Variants in ERC2 observed in about 807,000 individuals in gnomAD.
ERC2 encodes the protein ELKS/RAB6-interacting/CAST family member 2.
A neutral mutation model predicts 114.8 loss-of-function variants in ERC2; 42 were observed. The observed-to-expected ratio is 0.37, with a 90% CI of 0.29 to 0.47. The LOEUF (loss-of-function observed/expected upper bound fraction) is 0.47. Among genes scored for constraint, ERC2 ranks in the 20% least tolerant of loss-of-function variants. The pLI, the probability that ERC2 is intolerant of heterozygous loss-of-function variation, is 0.99. For synonymous variants in ERC2, 454 were observed against 425.5 expected (o/e 1.07, Z -0.82); for missense variants, 939 against 1,150.7 (o/e 0.82, Z 2.66).
At chr3:55,956,373 G>A (rs2067954437) in intron 12 of ERC2, among the ~76,000 whole-genome samples, 1 of 152,130 alleles carries the variant, frequency 6.6e-6, no homozygotes, top group Non-Finnish European at 1.5e-5. Flanking sequence ...CACGACAGAA[G>A]CTGACAATGC....
chr3:56,176,668 T>C (rs1350076289), intron 3 of ERC2, among the ~76,000 whole-genome samples: 1 of 152,190 alleles, frequency 6.6e-6, no homozygotes, highest in African/African-American at 2.4e-5. Flanking sequence ...GTCAGGTAAA[T>C]GAAAATTGTA....
At chr3:56,159,374 C>T (rs2081930681) in intron 4 of ERC2, among the ~76,000 whole-genome samples, 2 of 152,252 alleles carry the variant, frequency 1.3e-5, no homozygotes, top group Admixed American at 1.3e-4. Context: ...GAACAAATGT[C>T]AACATTTTAG....
chr3:55,625,718 T>A (rs1452882517), intron 17 of ERC2, among the ~76,000 whole-genome samples: 1 of 151,922 alleles, frequency 6.6e-6, no homozygotes, highest in Non-Finnish European at 1.5e-5. Context: ...GCCACTGCAC[T>A]CCAGCCTGGG....
intron 1 of ERC2, among the ~76,000 whole-genome samples, chr3:56,452,955 C>G (rs929261566): frequency 1.9e-4 from 29 of 152,232 alleles, no homozygotes; most frequent in Non-Finnish European, 5.9e-5. Context: ...TACATTAGAC[C>G]CTTTCTTCCT....
chr3:55,704,762 A>G (rs2063397255), intron 15 of ERC2, among the ~76,000 whole-genome samples: 1 of 152,218 alleles, frequency 6.6e-6, no homozygotes, highest in Non-Finnish European at 1.5e-5. Flanking sequence ...CGCATTGGGG[A>G]ACTTTCTGGG....
intron 17 of ERC2, among the ~76,000 whole-genome samples, chr3:55,578,323 C>T (rs1048619865): frequency 1.3e-5 from 2 of 152,174 alleles, no homozygotes; most frequent in Admixed American, 1.3e-4. Context: ...CTCTCCCAGA[C>T]CTTTTCTCTT....
chr3:56,435,968 C>A (rs927028072), intron 1 of ERC2, among the ~76,000 whole-genome samples: 3 of 152,116 alleles, frequency 2.0e-5, no homozygotes, highest in Admixed American at 2.0e-4. Context: ...CATGTCTGTA[C>A]AGAAATGGCA....
At chr3:56,384,526 T>G (rs890660688) in intron 2 of ERC2, among the ~76,000 whole-genome samples, 4 of 152,186 alleles carry the variant, frequency 2.6e-5, no homozygotes, top group African/African-American at 4.8e-5. Flanking sequence ...CAAGTCCTTT[T>G]GCCCATTTTT....
chr3:56,432,349 C>A (rs1034926829), intron 2 of ERC2, among the ~76,000 whole-genome samples: 1 of 152,264 alleles, frequency 6.6e-6, no homozygotes, highest in African/African-American at 2.4e-5. Flanking sequence ...CATTCCTAAA[C>A]TGCTTTAACC....
intron 13 of ERC2, among the ~76,000 whole-genome samples, chr3:55,899,577 C>T (rs1333142805): frequency 6.6e-6 from 1 of 151,910 alleles, no homozygotes; most frequent in African/African-American, 2.4e-5. Context: ...ATTATGGGCA[C>T]CCAATTGTTG....
intron 2 of ERC2, among the ~76,000 whole-genome samples, chr3:56,364,869 C>T (rs992862047): frequency 6.6e-6 from 1 of 152,152 alleles, no homozygotes; most frequent in African/African-American, 2.4e-5. Context: ...AGCCTCTGGC[C>T]ACATGAATGT....
chr3:56,044,752 C>T (rs1248253688), intron 7 of ERC2, among the ~76,000 whole-genome samples: 1 of 152,064 alleles, frequency 6.6e-6, no homozygotes, highest in Non-Finnish European at 1.5e-5. Flanking sequence ...GATTAGGACG[C>T]GGTTCATTTT....
At chr3:56,352,494 G>C (rs2058591533) in intron 2 of ERC2, among the ~76,000 whole-genome samples, 1 of 152,190 alleles carries the variant, frequency 6.6e-6, no homozygotes, top group African/African-American at 2.4e-5. Context: ...GCTCAGACTT[G>C]AACATGTTGA....
chr3:56,202,235 A>G (rs2048450011), intron 3 of ERC2, among the ~76,000 whole-genome samples: 1 of 152,226 alleles, frequency 6.6e-6, no homozygotes, highest in Admixed American at 6.5e-5. Context: ...CATGAATTGC[A>G]GTGCATTTTA....
chr3:56,399,951 T>G (rs1046433606), intron 2 of ERC2, among the ~76,000 whole-genome samples: 7 of 152,042 alleles, frequency 4.6e-5, no homozygotes. Context: ...TGGAAAAAAG[T>G]AAGTGAGCCT....
At chr3:56,332,145 CACAT>C (rs1347890926) in intron 2 of ERC2, among the ~76,000 whole-genome samples, 1 of 40,870 alleles carries the variant, frequency 2.4e-5, no homozygotes, top group Non-Finnish European at 7.1e-5. Flanking sequence ...CACACACACA[CACAT>C]GTGCACACAC....
chr3:55,990,481 T>G (rs898280644), intron 11 of ERC2, among the ~76,000 whole-genome samples: 2 of 152,058 alleles, frequency 1.3e-5, no homozygotes, highest in Non-Finnish European at 2.9e-5. Flanking sequence ...CAGGCTGGAG[T>G]GCAGTGGCTC....
intron 2 of ERC2, among the ~76,000 whole-genome samples, chr3:56,370,103 G>C (rs1002630005): frequency 6.6e-6 from 1 of 152,134 alleles, no homozygotes; most frequent in Non-Finnish European, 1.5e-5. Context: ...AATTGCTAAG[G>C]CTGTATGTCA....
chr3:55,849,699 G>A (rs954143758), intron 14 of ERC2, among the ~76,000 whole-genome samples: 15 of 152,108 alleles, frequency 9.9e-5, no homozygotes, highest in African/African-American at 3.1e-4. Flanking sequence ...CTAAGTTGAG[G>A]GAAAAATAGT....
Sources: allele counts gnomAD v4.1 joint callset (sites outside exome capture counted in the v4.1 genomes callset), GRCh38; gene constraint gnomAD v4.1.1; transcripts MANE v1.5; gene names NCBI Gene and HGNC (gene_info 2026-07-23, HGNC 2026-07-21).